Variants in PRPF6 observed in about 807,000 individuals in gnomAD.
PRPF6 encodes the protein pre-mRNA-processing factor 6.
A neutral mutation model predicts 118.3 loss-of-function variants in PRPF6; 42 were observed. The ratio of observed to expected loss-of-function variants is 0.35; its 90% CI spans 0.28 to 0.46. The LOEUF (loss-of-function observed/expected upper bound fraction) is 0.46. Ranked by LOEUF, PRPF6 falls within the 20% of genes least tolerant of loss-of-function variation. The probability of loss-of-function intolerance (pLI) is 1.00; values close to 1 mark genes in which losing one functional copy is unlikely to be tolerated. For synonymous variants in PRPF6, 481 were observed against 485.1 expected (o/e 0.99, Z 0.11); for missense variants, 662 against 1,255.7 (o/e 0.53, Z 7.15).
intron 20 of PRPF6, 21 bp from the exon 21 acceptor site, chr20:64,032,820 C>T (rs769418180): frequency 8.8e-6 from 14 of 1,596,050 alleles, no homozygotes; most frequent in South Asian, 4.5e-5. Flanking sequence ...CCCTGCCTGA[C>T]GTGCCCTGTG....
At chr20:64,017,185 A>AC (rs2059242219) in intron 12 of PRPF6, among the ~76,000 whole-genome samples, 1 of 151,788 alleles carries the variant, frequency 6.6e-6, no homozygotes, top group Non-Finnish European at 1.5e-5. Context: ...CTCGTGATCC[A>AC]CCCCGCCTTG....
chr20:63,994,861 G>T (rs2059134407), intron 4 of PRPF6, 55 bp from the exon 5 acceptor site: 1 of 1,607,882 alleles, frequency 6.2e-7, no homozygotes, highest in Admixed American at 1.7e-5. Flanking sequence ...GGTCCTACCT[G>T]GGCACATGAA....
chr20:63,981,997 T>G (rs150764141), intron 1 of PRPF6, among the ~76,000 whole-genome samples: 222 of 152,014 alleles, frequency 1.5e-3, no homozygotes, highest in African/African-American at 4.9e-3. Flanking sequence ...ACTGACATTC[T>G]GCGTGTGGGA....
intron 2 of PRPF6, among the ~76,000 whole-genome samples, chr20:63,984,251 T>A (rs1453216236): frequency 6.6e-6 from 1 of 152,054 alleles, no homozygotes; most frequent in African/African-American, 2.4e-5. Flanking sequence ...AAACCCCGTC[T>A]CTACTAAAAC....
Position 63,999,785 on chromosome 20 carries a change from C to T in PRPF6, c.1023+26C>T, listed in dbSNP as rs768274905. On this transcript the variant is annotated intron_variant, in intron 8 of 20. Transcript: ENST00000266079. ...GTGAGGTATTTCCTGGGAGGCGTTT[C>T]CTGGGAGGCTGCGTGATTGTGGCCC... 82 of 1,612,638 alleles carry T rather than the reference C, an allele frequency of 5.1e-5. No homozygotes were observed. In the Middle Eastern group the frequency reaches 8.3e-4, roughly 16 times the overall value.
At chr20:64,023,533 T>C (rs1318352574) in intron 13 of PRPF6, among the ~76,000 whole-genome samples, 1 of 152,212 alleles carries the variant, frequency 6.6e-6, no homozygotes, top group Non-Finnish European at 1.5e-5. Flanking sequence ...CTGGTTTCAC[T>C]GGGGCTACAG....
chr20:64,000,989 A>G lies in PRPF6; in HGVS notation c.1024-88A>G, dbSNP rs554947793. ...TGGCTTTCGTAAATTCTGGGGCCCG[A>G]GGATCTGCTCTGGAGATCTGTGCCT... On this transcript the variant is annotated intron_variant, in intron 8 of 20. Transcript: ENST00000266079. The G allele has an allele frequency of 1.9e-4, 276 of 1,462,538 alleles. 2 individuals carry two copies. The South Asian group carries it at 2.9e-3, about 16-fold the overall frequency. The allele number at this position is 1,462,538 out of a possible 1,614,324, so 90.6% of individuals were successfully genotyped here. A position where few individuals can be genotyped will look rare whatever the true frequency, so the allele number is the denominator to read the frequency against.
At chr20:64,010,447 G>C (rs2059211617) in intron 10 of PRPF6, 129 bp downstream of exon 10, 4 of 818,274 alleles carry the variant, frequency 4.9e-6, no homozygotes, top group African/African-American at 1.7e-5. Flanking sequence ...GGGAGCAGAA[G>C]GCCCTGTGGA....
At position 64,022,792 on chromosome 20, in the gene PRPF6, C is replaced by T. The variant is rs2123086566; in HGVS notation, c.1683C>T (p.Ala561=). 6.2e-7 allele frequency: 1 copy of T among 1,614,124 alleles called. No homozygotes were observed. Residue 561 remains alanine (A), a synonymous_variant, in exon 13 of 21, where the codon GCC becomes GCT. Coordinates refer to ENST00000266079, the MANE Select transcript of PRPF6 (RefSeq NM_012469.4). Reference sequence around the variant, plus strand: ...ACAATGCCCTGGAGTGTGCACGAGCCATCTACGCCTACGCCCTGCAGGTGT... The same window carrying T: ...ACAATGCCCTGGAGTGTGCACGAGCTATCTACGCCTACGCCCTGCAGGTGT... The part of the protein sequence containing the change: ...VAHNALECAR[A]IYAYALQVFP...
At chr20:63,987,293 G>A (rs563745584) in intron 3 of PRPF6, among the ~76,000 whole-genome samples, 1 of 151,770 alleles carries the variant, frequency 6.6e-6, no homozygotes, top group African/African-American at 2.4e-5. Flanking sequence ...GATCATTTGA[G>A]GTCAGGAGTT....
intron 9 of PRPF6, among the ~76,000 whole-genome samples, chr20:64,003,452 G>A (rs57746616): frequency 0.016 from 2,510 of 152,270 alleles, 71 homozygotes; most frequent in African/African-American, 0.055. Flanking sequence ...TACTGTCTAC[G>A]TCTGTTAGAA....
chr20:64,001,733 C>T (rs1172463416), intron 9 of PRPF6, among the ~76,000 whole-genome samples: 1 of 152,248 alleles, frequency 6.6e-6, no homozygotes, highest in African/African-American at 2.4e-5. Context: ...TCCCGCGATG[C>T]AGCGTGTGCC....
intron 8 of PRPF6, 106 bp downstream of exon 8, chr20:63,999,865 C>A: frequency 7.2e-7 from 1 of 1,394,696 alleles, no homozygotes; most frequent in South Asian, 1.3e-5. Context: ...ATTGAAACTA[C>A]AGACAATAGG....
intron 1 of PRPF6, among the ~76,000 whole-genome samples, chr20:63,982,345 T>A (rs2059073369): frequency 6.6e-6 from 1 of 152,132 alleles, no homozygotes; most frequent in African/African-American, 2.4e-5. Context: ...CTAATTTTTG[T>A]ATTTTTAGTA....
intron 11 of PRPF6, among the ~76,000 whole-genome samples, chr20:64,016,114 ACT>A (rs529857653): frequency 0.01 from 1,467 of 144,090 alleles, 6 homozygotes; most frequent in Admixed American, 0.016. Flanking sequence ...AGAGACCTTG[ACT>A]CTCTCTCTTT....
At chr20:64,013,473 G>A (rs537254374) in intron 11 of PRPF6, among the ~76,000 whole-genome samples, 1 of 150,994 alleles carries the variant, frequency 6.6e-6, no homozygotes, top group South Asian at 2.1e-4. Flanking sequence ...TTGAGACAGG[G>A]TCTCGCCGTG....
chr20:63,984,880 C>T, intron 2 of PRPF6, 27 bp from the exon 3 acceptor site: 2 of 1,515,160 alleles, frequency 1.3e-6, no homozygotes, highest in Non-Finnish European at 1.8e-6. Context: ...GAAAAGCTGA[C>T]CTCTACACGT....
chr20:64,017,233 G>A (rs943694644), intron 12 of PRPF6, among the ~76,000 whole-genome samples: 9 of 150,258 alleles, frequency 6.0e-5, no homozygotes, highest in Non-Finnish European at 1.0e-4. Flanking sequence ...GTGAGCCACC[G>A]CGCCCGGCCT....
intron 19 of PRPF6, among the ~76,000 whole-genome samples, chr20:64,030,889 G>A (rs112182637): frequency 0.013 from 1,964 of 152,334 alleles, 56 homozygotes; most frequent in African/African-American, 0.045. Flanking sequence ...GGCTCCTCGT[G>A]TTGTCTCTTG....
Sources: gnomAD v4.1 joint callset for allele counts (sites outside exome capture counted in the v4.1 genomes callset) on GRCh38, gnomAD v4.1.1 for gene constraint, MANE v1.5 for transcripts, NCBI Gene and HGNC (gene_info 2026-07-23, HGNC 2026-07-21) for gene names.